The following CLCA1 variants were observed in gnomAD, a reference collection of about 807,000 sequenced individuals.
CLCA1 encodes chloride channel accessory 1.
Under a neutral mutation model 85.6 loss-of-function variants are expected in CLCA1, and 59 were observed. That is an observed-to-expected ratio of 0.69 (90% CI 0.56 to 0.86). CLCA1 has a LOEUF of 0.86. Ranked by LOEUF, CLCA1 falls within the 40% of genes least tolerant of loss-of-function variation. CLCA1 has a pLI of 0.00. For synonymous variants in CLCA1, 396 were observed against 398.3 expected (o/e 0.99, Z 0.07); for missense variants, 1,022 against 1,101.4 (o/e 0.93, Z 1.02).
At chr1:86,476,607 T>A (rs567370251) in intron 4 of CLCA1, 54 bp downstream of exon 4, 1 of 831,290 alleles carries the variant, frequency 1.2e-6, no homozygotes, top group South Asian at 1.6e-5. Flanking sequence ...GCAACCTTTT[T>A]TTCTTGAATT....
In CLCA1 at chr1:86,479,661, A is replaced by G. The variant is rs1351395783; in HGVS notation, c.558-2544A>G. On this transcript the variant is annotated intron_variant, in intron 4 of 13. Coordinates refer to ENST00000394711, the MANE Select transcript of CLCA1 (RefSeq NM_001285.4). The stretch of plus-strand genomic sequence containing the variant: ...AGCACTTTAGGAGGCCGAGGCAGGC[A>G]GATCACAAGGTCAGGAGATCGAGAC... Among the ~76,000 whole-genome samples the G allele has an allele frequency of 6.6e-5, 10 of 152,310 alleles. No individual in the cohort carries two copies. The East Asian group carries it at 1.7e-3, about 26-fold the overall frequency.
intron 2 of CLCA1, 83 bp from the exon 3 acceptor site, chr1:86,473,646 T>A (rs1647561338): frequency 6.7e-7 from 1 of 1,494,166 alleles, no homozygotes; most frequent in Non-Finnish European, 9.1e-7. Context: ...CAAATGTGAT[T>A]GTTTGAAACT....
At chr1:86,473,168 A>G (rs918203944) in intron 1 of CLCA1, among the ~76,000 whole-genome samples, 8 of 152,216 alleles carry the variant, frequency 5.3e-5, no homozygotes, top group Non-Finnish European at 1.2e-4. Flanking sequence ...GTCCCACAAA[A>G]AGTGGTGCAG....
In CLCA1 at chr1:86,482,400, A is replaced by C; in HGVS notation, c.735+18A>C. 6.2e-7 allele frequency: 1 copy of C among 1,603,128 alleles called. No individual in the cohort carries two copies. ...TTGATTCTGTAAGTACCTTGTTCTC[A>C]CCCCCTCCCCCAGATTCTTATGAAT... On this transcript the variant is annotated intron_variant, in intron 5 of 13. Transcript: ENST00000394711.
At position 86,493,534 on chromosome 1, in the gene CLCA1, C is replaced by T; in HGVS notation, c.1615C>T (p.Gln539Ter). The change falls in exon 10 of 14, where the codon CAA (glutamine) becomes TAA (stop). Residue 539 changes from glutamine (Q) to a stop codon, truncating the protein, a stop_gained. Transcript: ENST00000394711. LOFTEE classifies it high-confidence loss of function. ...TCTCTGGGATCCCAGTGGACAGAAG[C>T]AAGGTGGCTTTGTAGTGGACAAAAA... is the stretch of plus-strand genomic sequence containing the variant. ...ILLWDPSGQK[Q>*]GGFVVDKNTK... 6.2e-7 allele frequency: 1 copy of T among 1,614,138 alleles called. No individual in the cohort carries two copies. Among genetic ancestry groups the T allele is most frequent in the Non-Finnish European group, 8.5e-7 (1 of 1,180,004 alleles).
intron 4 of CLCA1, among the ~76,000 whole-genome samples, chr1:86,478,194 C>G (rs1225409539): frequency 6.6e-6 from 1 of 151,880 alleles, no homozygotes; most frequent in Non-Finnish European, 1.5e-5. Flanking sequence ...TTTGGGAGGC[C>G]GAGGCAGGAT....
intron 4 of CLCA1, among the ~76,000 whole-genome samples, chr1:86,478,617 T>C (rs553611967): frequency 2.6e-5 from 4 of 152,312 alleles, no homozygotes; most frequent in African/African-American, 9.6e-5. Context: ...AAACCTGATA[T>C]CTCTTTCCCA....
Position 86,498,501 on chromosome 1 carries a change from TA to T in CLCA1, c.2114-69del. The stretch of plus-strand genomic sequence containing the variant: ...GGGGAACAGGAAGAGGGTGATCTGA[TA>T]AGAAAACAGACGGAGGTGTCACCAT... On this transcript the variant is annotated intron_variant, in intron 12 of 13. Coordinates refer to ENST00000394711, the MANE Select transcript of CLCA1 (RefSeq NM_001285.4). 2.0e-6 allele frequency: 3 copies of T among 1,500,404 alleles called. No homozygotes were observed. In the East Asian group the frequency reaches 6.8e-5, roughly 34 times the overall value. 92.9% of individuals were successfully genotyped at this position (1,500,404 alleles called of 1,614,324 possible). A position where few individuals can be genotyped will look rare whatever the true frequency, so the allele number is the denominator to read the frequency against.
At chr1:86,497,018 G>A (rs535845958) in intron 12 of CLCA1, among the ~76,000 whole-genome samples, 178 of 152,332 alleles carry the variant, frequency 1.2e-3, no homozygotes, top group Non-Finnish European at 2.3e-3. Context: ...GTAAGCCACC[G>A]TGCCCAGCCC....
chr1:86,472,254 C>T (rs1647523346), intron 1 of CLCA1, among the ~76,000 whole-genome samples: 1 of 152,118 alleles, frequency 6.6e-6, no homozygotes, highest in Admixed American at 6.6e-5. Flanking sequence ...ACTACTAGGG[C>T]TCACCATGCT....
In CLCA1 at chr1:86,489,149, G is replaced by A. The variant is rs758570239; in HGVS notation, c.1336G>A (p.Glu446Lys). The change falls in exon 8 of 14, where the codon GAG (glutamate) becomes AAG (lysine). Residue 446 changes from glutamate to lysine, a missense_variant. Transcript: ENST00000394711. ...ALGPSAAQEL[E>K]ELSKMTGGLQ... ...GGGGCCCTCTGCAGCTCAAGAACTA[G>A]AGGAGCTGTCCAAAATGACAGGTGA... The A allele has an allele frequency of 6.2e-7, 1 of 1,614,002 alleles. No homozygotes were observed. The highest frequency in any genetic ancestry group is 8.5e-7 in the Non-Finnish European group (1 of 1,179,966).
At position 86,495,663 on chromosome 1, in the gene CLCA1, T is replaced by A; in HGVS notation, c.2101T>A (p.Trp701Arg). 6.2e-7 allele frequency: 1 copy of A among 1,607,226 alleles called. No homozygotes were observed. Among genetic ancestry groups the A allele is most frequent in the South Asian group, 1.1e-5 (1 of 89,548 alleles). The change falls in exon 12 of 14, where the codon TGG becomes AGG. Residue 701 changes from tryptophan to arginine, a missense_variant. Transcript: ENST00000394711. ...QQSGALYIPG[W>R]IENDEIQWNP... ...GAGTGGAGCACTGTACATACCTGGC[T>A]GGATTGAGAATGGTAAGTAATTTGT...
chr1:86,484,669 TG>T (rs1647913965), intron 5 of CLCA1, among the ~76,000 whole-genome samples: 1 of 152,140 alleles, frequency 6.6e-6, no homozygotes, highest in Non-Finnish European at 1.5e-5. Flanking sequence ...GCTTGGGTGA[TG>T]GATATTTCAT....
intron 5 of CLCA1, 82 bp downstream of exon 5, chr1:86,482,464 CA>C: frequency 7.5e-7 from 1 of 1,327,720 alleles, no homozygotes; most frequent in South Asian, 1.4e-5. Flanking sequence ...AAGGGAGAAT[CA>C]AAGTTTAGAG....
intron 4 of CLCA1, among the ~76,000 whole-genome samples, chr1:86,481,240 A>G (rs1156692922): frequency 6.6e-6 from 1 of 151,914 alleles, no homozygotes; most frequent in Non-Finnish European, 1.5e-5. Context: ...AGGTTCAAGC[A>G]ATTCTCGTGC....
chr1:86,478,787 A>G (rs1422906774), intron 4 of CLCA1, among the ~76,000 whole-genome samples: 1 of 152,216 alleles, frequency 6.6e-6, no homozygotes. Context: ...CCTCTTTAAA[A>G]CTTTTAATTT....
Position 86,489,248 on chromosome 1 carries a change from G to T in CLCA1, c.1357+78G>T, listed in dbSNP as rs1225934938. 2.2e-6 allele frequency: 3 copies of T among 1,365,488 alleles called. No homozygotes were observed. In the Admixed American group the frequency reaches 6.3e-5, roughly 29 times the overall value. The allele number at this position is 1,365,488 out of a possible 1,614,324, so 84.6% of individuals were successfully genotyped here. On this transcript the variant is annotated intron_variant, in intron 8 of 13. Coordinates refer to ENST00000394711, the MANE Select transcript of CLCA1 (RefSeq NM_001285.4). ...AGCTCCAGTGAACTGGGGAGTGGGG[G>T]AAAGATGGGATGGAGAGAGATAGGA...
At chr1:86,490,180 G>T (rs552179751) in intron 8 of CLCA1, among the ~76,000 whole-genome samples, 1 of 152,174 alleles carries the variant, frequency 6.6e-6, no homozygotes, top group African/African-American at 2.4e-5. Context: ...GAGGAGAGGG[G>T]CATGTTATTT....
Position 86,473,763 on chromosome 1 carries a change from G to A in CLCA1, c.338G>A (p.Gly113Asp). The A allele has an allele frequency of 6.2e-7, 1 of 1,600,102 alleles. No individual in the cohort carries two copies. The highest frequency in any genetic ancestry group is 8.5e-7 in the Non-Finnish European group (1 of 1,173,012). The change falls in exon 3 of 14, where the codon GGT becomes GAT. Residue 113 changes from glycine to aspartate, a missense_variant. By Grantham distance (94) the Gly-to-Asp change is moderately conservative. Transcript: ENST00000394711. ...DVLVAESTPPGNDEPYTEQMG... is the reference protein window; with the variant it reads ...DVLVAESTPPDNDEPYTEQMG... ...CTGGTTGCTGAGTCTACTCCTCCAG[G>A]TAATGATGAACCCTACACTGAGCAG...
Sources: allele counts gnomAD v4.1 joint callset (sites outside exome capture counted in the v4.1 genomes callset), GRCh38; gene constraint gnomAD v4.1.1; transcripts MANE v1.5; gene names NCBI Gene and HGNC (gene_info 2026-07-23, HGNC 2026-07-21).